Variants in DPEP3 observed in about 807,000 individuals in gnomAD.
DPEP3 encodes the protein membrane-bound dipeptidase 3.
In DPEP3, 42 loss-of-function variants were observed where a neutral mutation model predicts 47.5. That is an observed-to-expected ratio of 0.88 (90% CI 0.69 to 1.14). The LOEUF (loss-of-function observed/expected upper bound fraction) is 1.14. DPEP3 is among the 50% of genes most tolerant of loss of function. The pLI, the probability that DPEP3 is intolerant of heterozygous loss-of-function variation, is 0.00. For synonymous variants in DPEP3, 276 were observed against 270.2 expected (o/e 1.02, Z -0.21); for missense variants, 560 against 635.0 (o/e 0.88, Z 1.27).
intron 1 of DPEP3, 148 bp downstream of exon 1, chr16:67,979,946 G>T: frequency 7.4e-7 from 1 of 1,355,650 alleles, no homozygotes; most frequent in South Asian, 1.5e-5. Context: ...ATGCGGGGAA[G>T]GGCACCCATG....
At position 67,978,359 on chromosome 16, in the gene DPEP3, A is replaced by G. The variant is rs1270882411; in HGVS notation, c.594T>C (p.Gly198=). 6.2e-7 allele frequency: 1 copy of G among 1,613,902 alleles called. No homozygotes were observed. The highest frequency in any genetic ancestry group is 8.5e-7 in the Non-Finnish European group (1 of 1,179,922). The change falls in exon 4 of 10, where the codon GGT becomes GGC. Residue 198 remains glycine, a synonymous_variant. Coordinates refer to ENST00000268793, the MANE Select transcript of DPEP3 (RefSeq NM_001370198.1). The surrounding 1 kb of genome is among the most constrained non-coding windows in gnomAD (Gnocchi z 4.4). The part of the protein sequence containing the change: ...KLACLIGVEG[G]HSLDSSLSVL... Reference sequence around the variant, plus strand: ...CAGAGAGGCTGCTGTCCAGTGAGTGACCACCCTCCACGCCAATGAGGCAGG... The same window carrying G: ...CAGAGAGGCTGCTGTCCAGTGAGTGGCCACCCTCCACGCCAATGAGGCAGG...
In DPEP3 at chr16:67,977,285, C is replaced by A. The variant is rs780496390; in HGVS notation, c.1003G>T (p.Val335Leu). The A allele has an allele frequency of 3.1e-6, 5 of 1,613,684 alleles. No homozygotes were observed. In the South Asian group the frequency reaches 3.3e-5, roughly 11 times the overall value. The change falls in exon 7 of 10, where the codon GTG becomes TTG. Residue 335 changes from valine (V) to leucine (L), a missense_variant. By Grantham distance (32) the Val-to-Leu change is conservative. Coordinates refer to ENST00000268793, the MANE Select transcript of DPEP3 (RefSeq NM_001370198.1). ...GVLQCNLLAN[V>L]STVADHFDHI... is the part of the protein sequence containing the mutation. ...TGGGACTTACCTGCCACAGTGGACA[C>A]GTTAGCAAGCAGGTTGCACTGCAGC...
chr16:67,976,578 G>T, intron 8 of DPEP3, 122 bp downstream of exon 8: 1 of 908,302 alleles, frequency 1.1e-6, no homozygotes, highest in Non-Finnish European at 1.7e-6. Context: ...GGGAGTGTCA[G>T]GTGGGATAGG....
In DPEP3 at chr16:67,978,445, G is replaced by A; in HGVS notation, c.545-37C>T. On this transcript the variant is annotated intron_variant, in intron 3 of 9. Coordinates refer to ENST00000268793, the MANE Select transcript of DPEP3 (RefSeq NM_001370198.1). This position sits in a 1 kb window ranked among gnomAD's most constrained non-coding sequence, Gnocchi z 4.4. ...TAGAGAGTCAAGTGGTTAGATCCCAGGAACAGAACCTCCAGAGTGACATCC... is the reference window on the plus strand; with the variant it reads ...TAGAGAGTCAAGTGGTTAGATCCCAAGAACAGAACCTCCAGAGTGACATCC... 1 of 1,614,022 alleles carries A rather than the reference G, an allele frequency of 6.2e-7. No individual in the cohort carries two copies. Among genetic ancestry groups the A allele is most frequent in the East Asian group, 2.2e-5 (1 of 44,888 alleles).
rs2031175223 is a variant in DPEP3, at chr16:67,975,693, T to C, written c.*72A>G. On this transcript the variant is annotated 3_prime_UTR_variant, in exon 10 of 10. Transcript: ENST00000268793. ...GTGTAACATGTTTATTCTCAGCATA[T>C]GCTTGTGAATGAACTAGGAGAGGGG... 2.0e-5 allele frequency: 27 copies of C among 1,376,864 alleles called. No homozygotes were observed. In the South Asian group the frequency reaches 3.1e-4, roughly 16 times the overall value. 85.3% of individuals were successfully genotyped at this position (1,376,864 alleles called of 1,614,324 possible). A position where few individuals can be genotyped will look rare whatever the true frequency, so the allele number is the denominator to read the frequency against.
At position 67,978,133 on chromosome 16, in the gene DPEP3, T is replaced by A; in HGVS notation, c.687-126A>T. ...TGCAGAACCAGCTGCTTTCTGGGAT[T>A]GTGAGGGACCCACTGGGTGTCCAGC... On this transcript the variant is annotated intron_variant, in intron 4 of 9. Coordinates refer to ENST00000268793, the MANE Select transcript of DPEP3 (RefSeq NM_001370198.1). The surrounding 1 kb of genome is among the most constrained non-coding windows in gnomAD (Gnocchi z 4.4). The A allele has an allele frequency of 6.4e-7, 1 of 1,573,206 alleles. No homozygotes were observed. Among genetic ancestry groups the A allele is most frequent in the South Asian group, 1.1e-5 (1 of 89,412 alleles).
chr16:67,979,641 G>T lies in DPEP3; in HGVS notation c.412C>A (p.Gln138Lys). 2 of 1,613,706 alleles carry T rather than the reference G, an allele frequency of 1.2e-6. No individual in the cohort carries two copies. The highest frequency in any genetic ancestry group is 1.7e-6 in the Non-Finnish European group (2 of 1,179,910). Reference sequence around the variant, plus strand: ...CACCCTGTGTGTCCCTGTGGTACCTGGGCACCCACGAGGCCGTCTCTAAGC... The same window carrying T: ...CACCCTGTGTGTCCCTGTGGTACCTTGGCACCCACGAGGCCGTCTCTAAGC... ...DRLRDGLVGA[Q>K]FWSASVSCQS... The change falls in exon 2 of 10, where the codon CAG becomes AAG. Residue 138 changes from glutamine (Q) to lysine (K), a missense_variant and splice_region_variant. Coordinates refer to ENST00000268793, the MANE Select transcript of DPEP3 (RefSeq NM_001370198.1).
At position 67,978,140 on chromosome 16, in the gene DPEP3, G is replaced by C. The variant is rs2031241184; in HGVS notation, c.686+127C>G. The stretch of plus-strand genomic sequence containing the variant: ...CCAGCTGCTTTCTGGGATTGTGAGG[G>C]ACCCACTGGGTGTCCAGCCTCCCTC... On this transcript the variant is annotated intron_variant, in intron 4 of 9. Transcript: ENST00000268793. This position sits in a 1 kb window ranked among gnomAD's most constrained non-coding sequence, Gnocchi z 4.4. The C allele has an allele frequency of 1.9e-6, 3 of 1,572,824 alleles. No individual in the cohort carries two copies. The highest frequency in any genetic ancestry group is 2.6e-6 in the Non-Finnish European group (3 of 1,147,662).
intron 7 of DPEP3, among the ~76,000 whole-genome samples, chr16:67,977,015 G>C (rs907561984): frequency 6.6e-6 from 1 of 152,210 alleles, no homozygotes; most frequent in African/African-American, 2.4e-5. Flanking sequence ...GGTGCAGGCT[G>C]AGCCTGTCCT....
Position 67,980,491 on chromosome 16 carries a change from C to G in DPEP3, c.-111G>C. On this transcript the variant is annotated 5_prime_UTR_variant, in exon 1 of 10. Transcript: ENST00000268793. ...CCTCCCGAAGAGGGGGTTGAAGTCA[C>G]GCGACTCTGAGACCGACGCGCCACG... The G allele has an allele frequency of 7.0e-7, 1 of 1,428,950 alleles. No homozygotes were observed. The highest frequency in any genetic ancestry group is 9.2e-7 in the Non-Finnish European group (1 of 1,091,446). 88.5% of individuals were successfully genotyped at this position (1,428,950 alleles called of 1,614,324 possible).
intron 1 of DPEP3, 66 bp from the exon 2 acceptor site, chr16:67,979,831 G>A: frequency 3.1e-6 from 5 of 1,590,878 alleles, no homozygotes; most frequent in Non-Finnish European, 3.4e-6. Flanking sequence ...AGGTGCTTGG[G>A]TCTACCCTCC....
chr16:67,977,549 C>T, intron 6 of DPEP3, 104 bp downstream of exon 6: 1 of 1,415,832 alleles, frequency 7.1e-7, no homozygotes, highest in Non-Finnish European at 9.5e-7. Context: ...ATTAACCAGC[C>T]TTTGGTCCAA....
At position 67,978,325 on chromosome 16, in the gene DPEP3, T is replaced by C. The variant is rs771126118; in HGVS notation, c.628A>G (p.Ser210Gly). 5.0e-6 allele frequency: 8 copies of C among 1,614,122 alleles called. 1 individual carries two copies. In the East Asian group the frequency reaches 1.8e-4, roughly 36 times the overall value. ...SLDSSLSVLR[S>G]FYVLGVRYLT... ...TAGCGCACCCCCAGCACATAGAAAC[T>C]GCGCAGCACAGAGAGGCTGCTGTCC... is the stretch of plus-strand genomic sequence containing the variant. The change falls in exon 4 of 10, where the codon AGT becomes GGT. Residue 210 changes from serine (S) to glycine (G), a missense_variant. Coordinates refer to ENST00000268793, the MANE Select transcript of DPEP3 (RefSeq NM_001370198.1). This position sits in a 1 kb window ranked among gnomAD's most constrained non-coding sequence, Gnocchi z 4.4.
chr16:67,975,879 C>T lies in DPEP3; in HGVS notation c.1353G>A (p.Val451=). 1 of 1,613,866 alleles carries T rather than the reference C, an allele frequency of 6.2e-7. No individual in the cohort carries two copies. The highest frequency in any genetic ancestry group is 8.5e-7 in the Non-Finnish European group (1 of 1,179,830). Residue 451 remains valine (V), a synonymous_variant, in exon 10 of 10, where the codon GTG becomes GTA. Coordinates refer to ENST00000268793, the MANE Select transcript of DPEP3 (RefSeq NM_001370198.1). The stretch of plus-strand genomic sequence containing the variant: ...GGACCCGATTGGTTGGCTGCTTGGT[C>T]ACCTCCAGATGAGTAGCCTGGTGTC... ...QNGHQATHLE[V]TKQPTNRVPW... is the part of the protein sequence containing the mutation.
In DPEP3 at chr16:67,977,938, C is replaced by A; in HGVS notation, c.756G>T (p.Glu252Asp). Residue 252 changes from glutamate (E) to aspartate (D), a missense_variant and splice_region_variant, in exon 5 of 10, where the codon GAG becomes GAT. Coordinates refer to ENST00000268793, the MANE Select transcript of DPEP3 (RefSeq NM_001370198.1). ...TGGGGTACAAAACAGGAGTCCTCAC[C>A]TCACCAAAGCTTGTCAATCCGCTGA... The part of the protein sequence containing the change: ...TNVSGLTSFG[E>D]KVVEELNRLG... 6.2e-7 allele frequency: 1 copy of A among 1,613,964 alleles called. No individual in the cohort carries two copies. The highest frequency in any genetic ancestry group is 8.5e-7 in the Non-Finnish European group (1 of 1,179,886).
In DPEP3 at chr16:67,980,371, TG is replaced by T. The variant is rs1445156467; in HGVS notation, c.9del (p.Thr4ArgfsTer30). ...AGCGCGCGGGAACCCTCGCGGCCCG[TG>T]GGCTGCATGTTGCGCGGGGGTCGGC... MQ[P>X]TGREGSRALS... On this transcript the variant is annotated frameshift_variant, in exon 1 of 10. Coordinates refer to ENST00000268793, the MANE Select transcript of DPEP3 (RefSeq NM_001370198.1). LOFTEE classifies it high-confidence loss of function. The T allele has an allele frequency of 6.5e-7, 1 of 1,535,304 alleles. No homozygotes were observed. The highest frequency in any genetic ancestry group is 2.5e-5 in the East Asian group (1 of 40,432).
At chr16:67,976,292 C>G (rs28668419) in intron 8 of DPEP3, 64 bp from the exon 9 acceptor site, 74,019 of 1,595,422 alleles carry the variant, frequency 0.046, 2,330 homozygotes, top group African/African-American at 0.15. Context: ...GGGCCCGCTG[C>G]CCACCAGCCC....
chr16:67,978,482 C>T lies in DPEP3; in HGVS notation c.544+15G>A. On this transcript the variant is annotated intron_variant, in intron 3 of 9. Coordinates refer to ENST00000268793, the MANE Select transcript of DPEP3 (RefSeq NM_001370198.1). This position sits in a 1 kb window ranked among gnomAD's most constrained non-coding sequence, Gnocchi z 4.4. ...CCAGAGTGACATCCTGACTACCTCT[C>T]ATCTGCTGGCCCACCTTCAGCTGAG... is the stretch of plus-strand genomic sequence containing the variant. 2 of 1,614,070 alleles carry T rather than the reference C, an allele frequency of 1.2e-6. No individual in the cohort carries two copies. The highest frequency in any genetic ancestry group is 1.1e-5 in the South Asian group (1 of 91,084).
rs975152555 is a variant in DPEP3, at chr16:67,978,798, A to G, written c.415-172T>C. ...TTTTTTAAAATTATTTTTTATTTTT[A>G]TTTTAAAATTTGAGACAGGGTCTTG... On this transcript the variant is annotated intron_variant, in intron 2 of 9. Coordinates refer to ENST00000268793, the MANE Select transcript of DPEP3 (RefSeq NM_001370198.1). The surrounding 1 kb of genome is among the most constrained non-coding windows in gnomAD (Gnocchi z 4.4). Among the ~76,000 whole-genome samples the G allele has an allele frequency of 2.0e-5, 3 of 152,012 alleles. No homozygotes were observed. Among genetic ancestry groups the G allele is most frequent in the Admixed American group, 2.0e-4 (3 of 15,254 alleles).
Sources: allele counts gnomAD v4.1 joint callset (sites outside exome capture counted in the v4.1 genomes callset), GRCh38; gene constraint gnomAD v4.1.1; non-coding constraint Gnocchi (gnomAD v3.1); transcripts MANE v1.5; gene names NCBI Gene and HGNC (gene_info 2026-07-23, HGNC 2026-07-21).